SLIT1: variants seen among roughly 807,000 people sequenced by gnomAD.
SLIT1 encodes the protein slit homolog 1 protein.
Under a neutral mutation model 186.1 loss-of-function variants are expected in SLIT1, and 66 were observed. The observed-to-expected ratio is 0.35, with a 90% CI of 0.29 to 0.44. The LOEUF is 0.44. Among genes scored for constraint, SLIT1 ranks in the 20% least tolerant of loss-of-function variants. SLIT1 has a pLI of 1.00. For missense variants in SLIT1, 1,638 were observed against 2,037.4 expected, an observed-to-expected ratio of 0.80 and a Z score of 3.77; for synonymous variants, 761 against 833.8, an observed-to-expected ratio of 0.91 and a Z score of 1.50.
intron 4 of SLIT1, among the ~76,000 whole-genome samples, chr10:97,138,283 C>G (rs1026595101): frequency 5.3e-5 from 8 of 152,274 alleles, no homozygotes; most frequent in Non-Finnish European, 1.0e-4. Flanking sequence ...CAGATGGAAG[C>G]TGCACAGTGG....
chr10:97,097,170 A>G (rs541998505), intron 4 of SLIT1, among the ~76,000 whole-genome samples: 17 of 152,320 alleles, frequency 1.1e-4, no homozygotes, highest in African/African-American at 4.1e-4. Context: ...TCCTGCGTCT[A>G]ACACTGCAAC....
intron 4 of SLIT1, among the ~76,000 whole-genome samples, chr10:97,092,532 G>A (rs749792025): frequency 9.2e-5 from 14 of 152,210 alleles, no homozygotes; most frequent in Non-Finnish European, 2.1e-4. Flanking sequence ...ATACCTACAT[G>A]AATGCTATTT....
chr10:97,035,201 C>G (rs748224462), intron 22 of SLIT1, among the ~76,000 whole-genome samples: 10 of 152,192 alleles, frequency 6.6e-5, no homozygotes, highest in Non-Finnish European at 1.3e-4. Context: ...TGTGCCTCCT[C>G]AGTCTCTGGT....
chr10:97,137,561 T>C (rs1849714895), intron 4 of SLIT1, among the ~76,000 whole-genome samples: 1 of 152,140 alleles, frequency 6.6e-6, no homozygotes, highest in African/African-American at 2.4e-5. Context: ...TCTTTCTCTC[T>C]GTCTCTCTTT....
chr10:96,999,691 G>A lies in SLIT1; in HGVS notation c.*1421C>T, dbSNP rs963652201. 5.3e-5 allele frequency: 8 copies of A among 152,274 alleles called. No homozygotes were observed. The highest frequency in any genetic ancestry group is 1.9e-4 in the African/African-American group (8 of 41,444). The allele number at this position is 152,274 out of a possible 1,614,324, so 9.4% of individuals were successfully genotyped here. A position where few individuals can be genotyped will look rare whatever the true frequency, so the allele number is the denominator to read the frequency against. On this transcript the variant is annotated 3_prime_UTR_variant, in exon 37 of 37. Coordinates refer to ENST00000266058, the MANE Select transcript of SLIT1 (RefSeq NM_003061.3). Reference sequence around the variant, plus strand: ...GTGTATGGAAGAGAAGACAACGTGGGCAGGCAATCGTATATTCAGGGCCTC... The same window carrying A: ...GTGTATGGAAGAGAAGACAACGTGGACAGGCAATCGTATATTCAGGGCCTC...
chr10:97,057,737 G>A (rs1232705519), intron 11 of SLIT1: 1 of 460,852 alleles, frequency 2.2e-6, no homozygotes, highest in Non-Finnish European at 3.9e-6. Flanking sequence ...TCCGGATGGT[G>A]GGACTTCAAG....
intron 28 of SLIT1, among the ~76,000 whole-genome samples, chr10:97,016,770 A>G (rs901175863): frequency 2.0e-5 from 3 of 152,338 alleles, no homozygotes; most frequent in Non-Finnish European, 4.4e-5. Flanking sequence ...TTAGCTGTCA[A>G]TCTAAGGATG....
At chr10:97,148,751 A>G (rs1259108998) in intron 4 of SLIT1, among the ~76,000 whole-genome samples, 1 of 152,248 alleles carries the variant, frequency 6.6e-6, no homozygotes, top group Non-Finnish European at 1.5e-5. Context: ...GTATGCTTTC[A>G]AAGAAATTTT....
chr10:97,128,906 T>C (rs1385737403), intron 4 of SLIT1, among the ~76,000 whole-genome samples: 4 of 146,966 alleles, frequency 2.7e-5, no homozygotes, highest in African/African-American at 9.8e-5. Flanking sequence ...TCCTTAAATA[T>C]CTGCCCTGGA....
At chr10:97,113,341 C>T (rs922170842) in intron 4 of SLIT1, among the ~76,000 whole-genome samples, 9 of 151,288 alleles carry the variant, frequency 5.9e-5, no homozygotes, top group Admixed American at 5.3e-4. Flanking sequence ...CAGGTTCAAG[C>T]GACTGTCCTG....
chr10:97,105,762 G>C (rs916848364), intron 4 of SLIT1, among the ~76,000 whole-genome samples: 1 of 152,156 alleles, frequency 6.6e-6, no homozygotes, highest in Non-Finnish European at 1.5e-5. Context: ...ATTGTTAGCC[G>C]TGGCCCCTCT....
At chr10:97,175,861 C>G (rs1305173946) in intron 1 of SLIT1, among the ~76,000 whole-genome samples, 2 of 152,204 alleles carry the variant, frequency 1.3e-5, no homozygotes, top group African/African-American at 4.8e-5. Context: ...GCTCACCACG[C>G]TCCACCCCCA....
chr10:97,024,871 C>T (rs1848531589), intron 25 of SLIT1, among the ~76,000 whole-genome samples: 1 of 152,146 alleles, frequency 6.6e-6, no homozygotes, highest in African/African-American at 2.4e-5. Context: ...ATCTGAGGCC[C>T]TGTGAAAGAG....
At chr10:97,071,733 C>T (rs1037569895) in intron 4 of SLIT1, among the ~76,000 whole-genome samples, 34 of 152,142 alleles carry the variant, frequency 2.2e-4, no homozygotes, top group African/African-American at 8.2e-4. Context: ...ACAGCGCCCA[C>T]GGGACACGTA....
intron 3 of SLIT1, among the ~76,000 whole-genome samples, chr10:97,160,458 A>G (rs1005043096): frequency 9.2e-5 from 14 of 152,322 alleles, no homozygotes; most frequent in Admixed American, 6.5e-4. Flanking sequence ...CATTTTAAAA[A>G]TCAGGAATAC....
At chr10:97,091,702 T>C (rs1849233798) in intron 4 of SLIT1, among the ~76,000 whole-genome samples, 1 of 152,220 alleles carries the variant, frequency 6.6e-6, no homozygotes, top group Non-Finnish European at 1.5e-5. Flanking sequence ...GTTTTTATCT[T>C]CCTTTTGCAA....
intron 4 of SLIT1, among the ~76,000 whole-genome samples, chr10:97,136,583 T>C (rs1004854994): frequency 6.6e-6 from 1 of 152,100 alleles, no homozygotes; most frequent in Admixed American, 6.5e-5. Context: ...AAACAACCCA[T>C]CTCCTTACAC....
In SLIT1 at chr10:97,089,786, G is replaced by A. The variant is rs73322718; in HGVS notation, c.414-23700C>T. On this transcript the variant is annotated intron_variant, in intron 4 of 36. Transcript: ENST00000266058. ...GGGAGGATGGCTCATGTTCTGTCTC[G>A]TACATCACAAATCCAACAAGCATTT... Among the ~76,000 whole-genome samples the A allele has an allele frequency of 6.0e-3, 910 of 152,172 alleles. 8 individuals are homozygous for A. Among genetic ancestry groups the A allele is most frequent in the African/African-American group, 0.02 (846 of 41,492 alleles).
intron 4 of SLIT1, among the ~76,000 whole-genome samples, chr10:97,136,356 A>G (rs1299411849): frequency 1.3e-5 from 2 of 152,212 alleles, no homozygotes; most frequent in Non-Finnish European, 2.9e-5. Flanking sequence ...TGGCTTTACC[A>G]TGAAGTTAAG....
Sources: allele counts gnomAD v4.1 joint callset (sites outside exome capture counted in the v4.1 genomes callset), GRCh38; gene constraint gnomAD v4.1.1; transcripts MANE v1.5; gene names NCBI Gene and HGNC (gene_info 2026-07-23, HGNC 2026-07-21).